SLC35B4: variants seen among roughly 807,000 people sequenced by gnomAD.
SLC35B4 encodes nucleotide sugar transporter SLC35B4.
A neutral mutation model predicts 39.5 loss-of-function variants in SLC35B4; 28 were observed. The ratio of observed to expected loss-of-function variants is 0.71; its 90% CI spans 0.53 to 0.97. The LOEUF is 0.97. Among genes scored for constraint, SLC35B4 ranks in the 50% least tolerant of loss-of-function variants. The pLI, the probability that SLC35B4 is intolerant of heterozygous loss-of-function variation, is 0.00. For missense variants in SLC35B4, 334 were observed against 414.3 expected (o/e 0.81, Z 1.68); for synonymous variants, 145 against 150.4 (o/e 0.96, Z 0.26).
chr7:134,299,654 A>G, intron 7 of SLC35B4, 56 bp from the exon 8 acceptor site: 1 of 1,423,106 alleles, frequency 7.0e-7, no homozygotes. Flanking sequence ...TAGAATAATT[A>G]GAGTAGCTTT....
At position 134,290,531 on chromosome 7, in the gene SLC35B4, C is replaced by G. The variant is rs1803310282; in HGVS notation, c.*4302G>C. On this transcript the variant is annotated 3_prime_UTR_variant, in exon 10 of 10. Coordinates refer to ENST00000378509, the MANE Select transcript of SLC35B4 (RefSeq NM_032826.5). The stretch of plus-strand genomic sequence containing the variant: ...CCCTGGAATGTCTACTAGGAAGAAG[C>G]TGCTAGAAAAAGACAACATGCTACT... 1 of 152,200 alleles carries G rather than the reference C, an allele frequency of 6.6e-6. No individual in the cohort carries two copies. Among genetic ancestry groups the G allele is most frequent in the Admixed American group, 6.5e-5 (1 of 15,284 alleles). 9.4% of individuals were successfully genotyped at this position (152,200 alleles called of 1,614,324 possible). A position where few individuals can be genotyped will look rare whatever the true frequency, so the allele number is the denominator to read the frequency against.
rs530829325 is a variant in SLC35B4, at chr7:134,311,026, T to C, written c.78-1547A>G. ...TAAATATACCCATTAGGCACAAAAA[T>C]AAGACAATACAGGCATGAGCCATTC... On this transcript the variant is annotated intron_variant, in intron 1 of 9. Transcript: ENST00000378509. 7.2e-5 allele frequency among the ~76,000 whole-genome samples: 11 copies of C among 152,286 alleles called. No homozygotes were observed. The South Asian group carries it at 2.3e-3, about 32-fold the overall frequency.
chr7:134,296,270 C>T (rs1563214050), intron 9 of SLC35B4, 121 bp downstream of exon 9: 12 of 898,394 alleles, frequency 1.3e-5, no homozygotes, highest in Non-Finnish European at 2.1e-5. Flanking sequence ...CAGCTTACCG[C>T]AGAATAAATC....
At chr7:134,302,177 T>C (rs1803597660) in intron 4 of SLC35B4, 67 bp from the exon 5 acceptor site, 2 of 1,336,296 alleles carry the variant, frequency 1.5e-6, no homozygotes, top group African/African-American at 1.5e-5. Context: ...CCCAGTGATA[T>C]TTACAGTCAG....
At chr7:134,310,784 C>T (rs950892671) in intron 1 of SLC35B4, among the ~76,000 whole-genome samples, 28 of 152,014 alleles carry the variant, frequency 1.8e-4, no homozygotes, top group African/African-American at 4.1e-4. Context: ...CCTGACCTTG[C>T]GATCCACCTG....
At chr7:134,318,111 C>T (rs1368906330), upstream of SLC35B4, among the ~76,000 whole-genome samples, 2 of 152,168 alleles carry the variant, frequency 1.3e-5, no homozygotes, top group Non-Finnish European at 2.9e-5. Flanking sequence ...GCTTTTTTCC[C>T]AGTCCGTGAC....
intron 3 of SLC35B4, among the ~76,000 whole-genome samples, chr7:134,306,113 CT>C (rs763114440): frequency 6.6e-6 from 1 of 152,076 alleles, no homozygotes; most frequent in Non-Finnish European, 1.5e-5. Flanking sequence ...TGGAAACTCC[CT>C]TCAGGAACAG....
chr7:134,294,886 TC>T lies in SLC35B4; in HGVS notation c.942del (p.Trp314Ter), dbSNP rs750159173. On this transcript the variant is annotated frameshift_variant, in exon 10 of 10. Transcript: ENST00000378509. LOFTEE classifies it high-confidence loss of function. ...FIGTLMYTEV[W>X]NNLGTTKSEP... ...TCACTTTTTGTGGTCCCTAGGTTGT[TC>T]CACACCTCTGTGTACATTAAGGTCC... 2 of 1,614,184 alleles carry T rather than the reference TC, an allele frequency of 1.2e-6. No homozygotes were observed. The highest frequency in any genetic ancestry group is 1.7e-6 in the Non-Finnish European group (2 of 1,180,036).
upstream of SLC35B4, among the ~76,000 whole-genome samples, chr7:134,318,466 T>C (rs959962664): frequency 2.6e-5 from 3 of 114,934 alleles, no homozygotes; most frequent in Non-Finnish European, 5.4e-5. Flanking sequence ...TACACATATA[T>C]ACACACACAC....
At chr7:134,319,444 T>TA (rs753507974), upstream of SLC35B4, among the ~76,000 whole-genome samples, 6 of 152,212 alleles carry the variant, frequency 3.9e-5, no homozygotes, top group Non-Finnish European at 8.8e-5. Context: ...TTCTCTGACT[T>TA]ACGCTTTCCA....
rs1234791657 is a variant in SLC35B4, at chr7:134,316,700, C to T, written c.52G>A (p.Val18Met). The T allele has an allele frequency of 6.4e-6, 10 of 1,550,654 alleles. No homozygotes were observed. In the Middle Eastern group the frequency reaches 6.8e-4, roughly 105 times the overall value. ...CGGGCCAGGAGCTCTAGGAAGATCA[C>T]GTTACTGCAGCAGCCTGCGAACACC... is the stretch of plus-strand genomic sequence containing the variant. Reference protein sequence around the residue: ...GLVFAGCCSNVIFLELLARKH... With the variant: ...GLVFAGCCSNMIFLELLARKH... Residue 18 changes from valine to methionine, a missense_variant, in exon 1 of 10, where the codon GTG (valine) becomes ATG (methionine). Transcript: ENST00000378509.
At chr7:134,297,967 T>C (rs377262840) in intron 8 of SLC35B4, among the ~76,000 whole-genome samples, 1 of 152,216 alleles carries the variant, frequency 6.6e-6, no homozygotes, top group African/African-American at 2.4e-5. Flanking sequence ...GGAAATAAGA[T>C]GAAAGAGAAT....
intron 8 of SLC35B4, chr7:134,299,301 T>C (rs1056263608): frequency 2.0e-5 from 9 of 455,540 alleles, no homozygotes; most frequent in Non-Finnish European, 3.5e-5. Context: ...CAAAGCAAAA[T>C]GGAAAACTCG....
upstream of SLC35B4, among the ~76,000 whole-genome samples, chr7:134,318,329 TAGAA>T (rs1402535378): frequency 1.3e-5 from 2 of 152,206 alleles, no homozygotes; most frequent in Non-Finnish European, 2.9e-5. Context: ...CTAACATAAA[TAGAA>T]AGCCTACTAC....
chr7:134,314,194 G>A (rs908266209), intron 1 of SLC35B4, among the ~76,000 whole-genome samples: 22 of 152,162 alleles, frequency 1.4e-4, no homozygotes, highest in African/African-American at 5.1e-4. Flanking sequence ...ATATATTAAA[G>A]AAATATATCT....
chr7:134,303,807 T>C (rs1803646145), intron 4 of SLC35B4, among the ~76,000 whole-genome samples: 1 of 152,158 alleles, frequency 6.6e-6, no homozygotes, highest in Non-Finnish European at 1.5e-5. Context: ...GCTAACATCC[T>C]TCCTCCTTAG....
chr7:134,313,090 C>A (rs1401885652), intron 1 of SLC35B4, among the ~76,000 whole-genome samples: 1 of 152,138 alleles, frequency 6.6e-6, no homozygotes, highest in Non-Finnish European at 1.5e-5. Flanking sequence ...ACTTATGAAG[C>A]CTTTTCGAAA....
At chr7:134,315,231 T>A (rs1643102) in intron 1 of SLC35B4, among the ~76,000 whole-genome samples, 73,743 of 151,976 alleles carry the variant, frequency 0.49, 18,238 homozygotes, top group Admixed American at 0.55. Context: ...CTCTGCCACT[T>A]ACAAGTAGTG....
chr7:134,316,810 C>T lies in SLC35B4; in HGVS notation c.-59G>A. 2.6e-6 allele frequency: 4 copies of T among 1,512,360 alleles called. No homozygotes were observed. Among genetic ancestry groups the T allele is most frequent in the Non-Finnish European group, 3.6e-6 (4 of 1,119,604 alleles). 93.7% of individuals were successfully genotyped at this position (1,512,360 alleles called of 1,614,324 possible). On this transcript the variant is annotated 5_prime_UTR_variant, in exon 1 of 10. Transcript: ENST00000378509. ...AGTAAGCGCCCGCCTGTACCGCTAC[C>T]CCAGGAAGCCGGCCTCCTGCCTCTT... is the stretch of plus-strand genomic sequence containing the variant.
Sources: gnomAD v4.1 joint callset for allele counts (sites outside exome capture counted in the v4.1 genomes callset) on GRCh38, gnomAD v4.1.1 for gene constraint, MANE v1.5 for transcripts, NCBI Gene and HGNC (gene_info 2026-07-23, HGNC 2026-07-21) for gene names.